The following DNAH7 variants were observed in gnomAD, a reference collection of about 807,000 sequenced individuals.
DNAH7 encodes the protein axonemal beta dynein heavy chain 7.
Under a neutral mutation model 444.6 loss-of-function variants are expected in DNAH7, and 397 were observed. The observed-to-expected ratio is 0.89, with a 90% CI of 0.82 to 0.97. The LOEUF is 0.97. DNAH7 is among the 50% of genes least tolerant of loss of function. The pLI is 0.00. For missense variants in DNAH7, 4,902 were observed against 4,800.8 expected, an observed-to-expected ratio of 1.02 and a Z score of -0.62; for synonymous variants, 1,636 against 1,624.4, an observed-to-expected ratio of 1.01 and a Z score of -0.17.
Position 195,857,386 on chromosome 2 carries a change from G to A in DNAH7, c.8405C>T (p.Ser2802Leu). 1.3e-6 allele frequency: 2 copies of A among 1,572,676 alleles called. No homozygotes were observed. The highest frequency in any genetic ancestry group is 1.7e-6 in the Non-Finnish European group (2 of 1,165,182). ...GLCKWVIAMD[S>L]YDKVAKIVAP... ...TTTTATCAGCACTTACTTATCATAT[G>A]AATCCATTGCTATGACCCATTTGCA... Residue 2802 changes from serine (S) to leucine (L), a missense_variant, in exon 44 of 65, where the codon TCA (serine) becomes TTA (leucine). By Grantham distance (145) the Ser-to-Leu change is moderately radical. Coordinates refer to ENST00000312428, the MANE Select transcript of DNAH7 (RefSeq NM_018897.3).
At chr2:196,021,125 T>C (rs1448710403) in intron 8 of DNAH7, among the ~76,000 whole-genome samples, 1 of 152,142 alleles carries the variant, frequency 6.6e-6, no homozygotes. Context: ...TCTGTAATGT[T>C]CCCAATGTTC....
At chr2:196,067,077 A>AG (rs1267564010) in intron 1 of DNAH7, among the ~76,000 whole-genome samples, 1 of 152,150 alleles carries the variant, frequency 6.6e-6, no homozygotes. Context: ...ACCTTTCTGG[A>AG]GGGGGAGTGA....
chr2:195,897,196 TATA>T (rs1191888218), intron 29 of DNAH7, among the ~76,000 whole-genome samples: 1 of 152,198 alleles, frequency 6.6e-6, no homozygotes, highest in Non-Finnish European at 1.5e-5. Context: ...AATCTTAAAT[TATA>T]ATAAGATTAT....
At chr2:195,760,807 C>T (rs1211662137) in intron 61 of DNAH7, among the ~76,000 whole-genome samples, 2 of 152,114 alleles carry the variant, frequency 1.3e-5, no homozygotes, top group African/African-American at 4.8e-5. Flanking sequence ...TCTGGAAAGC[C>T]TTCCCAAGAA....
At chr2:195,811,091 C>A (rs533005790) in intron 51 of DNAH7, among the ~76,000 whole-genome samples, 103 of 152,232 alleles carry the variant, frequency 6.8e-4, no homozygotes, top group African/African-American at 2.5e-3. Context: ...TGTTAATAAC[C>A]TTTTAAGGTG....
At chr2:195,756,751 T>A (rs1223615276) in intron 61 of DNAH7, among the ~76,000 whole-genome samples, 1 of 152,086 alleles carries the variant, frequency 6.6e-6, no homozygotes, top group Non-Finnish European at 1.5e-5. Context: ...CCTAGGACTT[T>A]GGGGCCGAGG....
In DNAH7 at chr2:195,923,646, A is replaced by T. The variant is rs1688155340; in HGVS notation, c.3774T>A (p.Ile1258=). ...ACCATTCAAAGTCAGAGTCATCGCT[A>T]ATATTTTTTTTTACAAGTGATGAGA... The part of the protein sequence containing the change: ...DVLSSLVKKN[I]SDDSDFEWLS... Residue 1258 remains isoleucine (I), a synonymous_variant, in exon 23 of 65, where the codon ATT becomes ATA. Transcript: ENST00000312428. 1 of 1,614,140 alleles carries T rather than the reference A, an allele frequency of 6.2e-7. No homozygotes were observed. The highest frequency in any genetic ancestry group is 1.7e-5 in the Admixed American group (1 of 60,024).
chr2:195,836,809 T>C (rs1698398025), intron 47 of DNAH7, among the ~76,000 whole-genome samples: 1 of 152,234 alleles, frequency 6.6e-6, no homozygotes, highest in African/African-American at 2.4e-5. Context: ...TATGCTTTCC[T>C]AAATAAATTG....
At chr2:195,762,429 C>G (rs1574392000) in intron 61 of DNAH7, among the ~76,000 whole-genome samples, 1 of 152,010 alleles carries the variant, frequency 6.6e-6, no homozygotes, top group East Asian at 1.9e-4. Context: ...AAAACACATA[C>G]AGTGGCTGAA....
At chr2:196,039,624 C>G (rs1696604638) in intron 5 of DNAH7, among the ~76,000 whole-genome samples, 1 of 151,798 alleles carries the variant, frequency 6.6e-6, no homozygotes, top group African/African-American at 2.4e-5. Flanking sequence ...GTGGCAAAAC[C>G]CTGTCTCTGC....
chr2:195,741,916 T>C (rs997637053), intron 63 of DNAH7, among the ~76,000 whole-genome samples: 5 of 152,216 alleles, frequency 3.3e-5, no homozygotes, highest in African/African-American at 1.2e-4. Flanking sequence ...ATAACTGAAT[T>C]TTAAATTTTA....
chr2:195,960,355 T>C lies in DNAH7; in HGVS notation c.2796A>G (p.Ser932=), dbSNP rs1334101931. The change falls in exon 18 of 65, where the codon TCA becomes TCG. Residue 932 remains serine, a synonymous_variant. Transcript: ENST00000312428. ...CCAACAACATCTGAATTTCATCAAC[T>C]GATGCCAAAATAAATGTCCCAGTTT... ...YRETGTFILA[S]VDEIQMLLDD... The C allele has an allele frequency of 5.0e-6, 8 of 1,614,074 alleles. No individual in the cohort carries two copies. Among genetic ancestry groups the C allele is most frequent in the Non-Finnish European group, 6.8e-6 (8 of 1,180,012 alleles).
chr2:195,746,704 A>G (rs1280022609), intron 63 of DNAH7, among the ~76,000 whole-genome samples: 2 of 152,130 alleles, frequency 1.3e-5, no homozygotes, highest in Admixed American at 6.5e-5. Context: ...ACTCAAAACC[A>G]CTCAACTACA....
In DNAH7 at chr2:195,875,852, G is replaced by A. The variant is rs368606374; in HGVS notation, c.6118-9C>T. 3.5e-5 allele frequency: 55 copies of A among 1,592,240 alleles called. No homozygotes were observed. In the Admixed American group the frequency reaches 5.8e-4, roughly 17 times the overall value. On this transcript the variant is annotated splice_polypyrimidine_tract_variant and intron_variant, in intron 37 of 64. Transcript: ENST00000312428. Reference sequence around the variant, plus strand: ...TCATCTACAAAGACAACCTGAGAATGAGAAGAGAAGAGGTACAGAAAATAT... The same window carrying A: ...TCATCTACAAAGACAACCTGAGAATAAGAAGAGAAGAGGTACAGAAAATAT...
intron 63 of DNAH7, among the ~76,000 whole-genome samples, chr2:195,745,015 G>C (rs1693305635): frequency 6.6e-6 from 1 of 152,250 alleles, no homozygotes; most frequent in African/African-American, 2.4e-5. Context: ...GAATGACTTT[G>C]ACGAGCTGAG....
At chr2:195,868,089 CTT>C (rs58317384) in intron 40 of DNAH7, among the ~76,000 whole-genome samples, 48 of 101,076 alleles carry the variant, frequency 4.7e-4, no homozygotes, top group Non-Finnish European at 8.2e-4. Context: ...TATTATTCAT[CTT>C]TTTTTTTTTT....
Position 195,881,682 on chromosome 2 carries a change from A to C in DNAH7, c.5961+113T>G, listed in dbSNP as rs568207835. On this transcript the variant is annotated intron_variant, in intron 36 of 64. Coordinates refer to ENST00000312428, the MANE Select transcript of DNAH7 (RefSeq NM_018897.3). ...TGGCAATTTTTCAAAAATTCTCTGC[A>C]GTTCAAACATCAAAGTACTTGAGTA... 3.6e-6 allele frequency: 4 copies of C among 1,113,582 alleles called. No homozygotes were observed. The African/African-American group carries it at 6.4e-5, about 18-fold the overall frequency. The allele number at this position is 1,113,582 out of a possible 1,614,324, so 69.0% of individuals were successfully genotyped here. A position where few individuals can be genotyped will look rare whatever the true frequency, so the allele number is the denominator to read the frequency against.
chr2:195,934,766 C>T lies in DNAH7; in HGVS notation c.3296G>A (p.Cys1099Tyr). The T allele has an allele frequency of 6.2e-7, 1 of 1,614,078 alleles. No homozygotes were observed. The highest frequency in any genetic ancestry group is 8.5e-7 in the Non-Finnish European group (1 of 1,179,974). Residue 1099 changes from cysteine (C) to tyrosine (Y), a missense_variant, in exon 21 of 65, where the codon TGT becomes TAT. Cys to Tyr is a radical substitution (Grantham distance 194). Coordinates refer to ENST00000312428, the MANE Select transcript of DNAH7 (RefSeq NM_018897.3). Reference sequence around the variant, plus strand: ...TTCTACCTTTGCGATTCCTTCAAAACATTTCTTCAAGTGAGGTTGCACCCT... The same window carrying T: ...TTCTACCTTTGCGATTCCTTCAAAATATTTCTTCAAGTGAGGTTGCACCCT... Reference protein sequence around the residue: ...PTRVQPHLKKCFEGIAKVEFT... With the variant: ...PTRVQPHLKKYFEGIAKVEFT...
intron 10 of DNAH7, among the ~76,000 whole-genome samples, chr2:196,002,378 T>G (rs932823500): frequency 6.6e-6 from 1 of 152,176 alleles, no homozygotes; most frequent in African/African-American, 2.4e-5. Context: ...TAATGTGATA[T>G]CCTGAAAGAG....
Sources: gnomAD v4.1 joint callset for allele counts (sites outside exome capture counted in the v4.1 genomes callset) on GRCh38, gnomAD v4.1.1 for gene constraint, MANE v1.5 for transcripts, NCBI Gene and HGNC (gene_info 2026-07-23, HGNC 2026-07-21) for gene names.